PSMD1: variants seen among roughly 807,000 people sequenced by gnomAD.
PSMD1 encodes 26S proteasome non-ATPase regulatory subunit 1.
In PSMD1, 18 loss-of-function variants were observed where a neutral mutation model predicts 119.0. That is an observed-to-expected ratio of 0.15 (90% CI 0.10 to 0.22). The LOEUF (loss-of-function observed/expected upper bound fraction) is 0.22. Among genes scored for constraint, PSMD1 ranks in the 10% least tolerant of loss-of-function variants. The pLI is 1.00. For synonymous variants in PSMD1, 374 were observed against 396.6 expected (o/e 0.94, Z 0.68); for missense variants, 702 against 1,158.5 (o/e 0.61, Z 5.72).
intron 16 of PSMD1, among the ~76,000 whole-genome samples, chr2:231,133,808 A>T (rs1231725850): frequency 2.6e-5 from 4 of 152,230 alleles, no homozygotes; most frequent in African/African-American, 9.6e-5. Context: ...GGTTGCACAA[A>T]ATATTCATAA....
intron 21 of PSMD1, 146 bp from the exon 22 acceptor site, chr2:231,165,037 TATATATATATATATATA>T (rs1696736105): frequency 7.1e-3 from 57 of 7,986 alleles, no homozygotes; most frequent in South Asian, 0.021. Context: ...TATATATTTA[TATATATATATATATATA>T]TATATATATA....
At chr2:231,092,983 G>A (rs1694634371) in intron 16 of PSMD1, among the ~76,000 whole-genome samples, 1 of 152,138 alleles carries the variant, frequency 6.6e-6, no homozygotes, top group Admixed American at 6.5e-5. Flanking sequence ...GTGTTACCTG[G>A]CATCTTAATC....
intron 5 of PSMD1, among the ~76,000 whole-genome samples, chr2:231,068,335 A>G (rs985833712): frequency 6.6e-6 from 1 of 152,098 alleles, no homozygotes; most frequent in African/African-American, 2.4e-5. Context: ...TTCCCTCTCA[A>G]TTTCATTTTT....
intron 16 of PSMD1, among the ~76,000 whole-genome samples, chr2:231,131,884 TCTAAA>T (rs1333608471): frequency 6.6e-6 from 1 of 152,200 alleles, no homozygotes; most frequent in Non-Finnish European, 1.5e-5. Flanking sequence ...AGATTGAATG[TCTAAA>T]CTAATTTAAT....
At chr2:231,133,266 G>T (rs1695891911) in intron 16 of PSMD1, among the ~76,000 whole-genome samples, 1 of 152,114 alleles carries the variant, frequency 6.6e-6, no homozygotes, top group Admixed American at 6.5e-5. Flanking sequence ...TGTAGTTTTT[G>T]TAGAGACGGG....
intron 19 of PSMD1, among the ~76,000 whole-genome samples, 179 bp downstream of exon 19, chr2:231,153,845 G>A (rs1696422243): frequency 1.3e-5 from 2 of 152,318 alleles, no homozygotes; most frequent in East Asian, 1.9e-4. Flanking sequence ...CGGGCGCAAT[G>A]GTTCATGCCT....
At chr2:231,145,894 CAAAAAAAAAAA>C (rs36124651) in intron 17 of PSMD1, among the ~76,000 whole-genome samples, 24 of 46,556 alleles carry the variant, frequency 5.2e-4, no homozygotes, top group African/African-American at 1.3e-3. Flanking sequence ...AGCTACATCT[CAAAAAAAAAAA>C]AAAAAAAAAA....
At chr2:231,158,734 CAT>C (rs1696567176) in intron 19 of PSMD1, among the ~76,000 whole-genome samples, 1 of 152,194 alleles carries the variant, frequency 6.6e-6, no homozygotes, top group South Asian at 2.1e-4. Context: ...ATAATACTTT[CAT>C]ATCTTATTTT....
rs1028348500 is a variant in PSMD1 at position 231,155,966 on chromosome 2, C to T, written c.2218+2300C>T. Among the ~76,000 whole-genome samples the T allele has an allele frequency of 5.3e-5, 8 of 152,172 alleles. 1 individual carries two copies. The Middle Eastern group carries it at 0.024, about 453-fold the overall frequency. ...TTTCCATAGTTTCTCCCTTCTCACT[C>T]TTCACTACCTTCCAATATTTTTATA... is the stretch of plus-strand genomic sequence containing the variant. On this transcript the variant is annotated intron_variant, in intron 19 of 24. Coordinates refer to ENST00000308696, the MANE Select transcript of PSMD1 (RefSeq NM_002807.4).
intron 15 of PSMD1, among the ~76,000 whole-genome samples, 182 bp from the exon 16 acceptor site, chr2:231,086,935 A>G (rs1028849410): frequency 2.6e-5 from 4 of 152,082 alleles, no homozygotes; most frequent in African/African-American, 9.7e-5. Flanking sequence ...ATAAAAATAC[A>G]TGTGTCTATT....
chr2:231,163,939 A>C (rs1015884307), intron 21 of PSMD1, among the ~76,000 whole-genome samples: 2 of 152,204 alleles, frequency 1.3e-5, no homozygotes, highest in Admixed American at 6.5e-5. Flanking sequence ...ATCCCTCTGA[A>C]GGTTTTCTCT....
At chr2:231,086,621 C>T (rs1694449014) in intron 15 of PSMD1, among the ~76,000 whole-genome samples, 1 of 152,206 alleles carries the variant, frequency 6.6e-6, no homozygotes, top group African/African-American at 2.4e-5. Flanking sequence ...TGTGCCACTG[C>T]ACTCCAGCCT....
At chr2:231,144,841 G>GTTTTGTGCTGGA (rs1321356974) in intron 17 of PSMD1, among the ~76,000 whole-genome samples, 2 of 152,160 alleles carry the variant, frequency 1.3e-5, no homozygotes, top group African/African-American at 4.8e-5. Context: ...TATAAAGATT[G>GTTTTGTGCTGGA]TTTTGTGCTG....
chr2:231,156,155 A>G (rs552262222), intron 19 of PSMD1, among the ~76,000 whole-genome samples: 18 of 152,246 alleles, frequency 1.2e-4, no homozygotes, highest in East Asian at 3.9e-4. Context: ...TAGACACTTA[A>G]TTGGCTGGAT....
chr2:231,123,877 C>A, intron 16 of PSMD1: 2 of 823,694 alleles, frequency 2.4e-6, no homozygotes, highest in Non-Finnish European at 4.2e-6. Flanking sequence ...ACTCAAAAGC[C>A]AAAGTTGACA....
intron 6 of PSMD1, among the ~76,000 whole-genome samples, chr2:231,071,656 A>G (rs1290155823): frequency 6.6e-6 from 1 of 152,170 alleles, no homozygotes; most frequent in African/African-American, 2.4e-5. Context: ...GCCTAAGGGA[A>G]CAAGAAAATT....
chr2:231,126,685 T>C (rs1314617566), intron 16 of PSMD1, among the ~76,000 whole-genome samples: 1 of 152,084 alleles, frequency 6.6e-6, no homozygotes, highest in Non-Finnish European at 1.5e-5. Flanking sequence ...ATTGTTGTAT[T>C]TTGCCTGTAT....
intron 16 of PSMD1, among the ~76,000 whole-genome samples, chr2:231,112,655 A>G (rs1184609795): frequency 6.6e-6 from 1 of 152,176 alleles, no homozygotes; most frequent in African/African-American, 2.4e-5. Context: ...TGCTGGTCAA[A>G]CCATTGTAAT....
At chr2:231,123,631 T>C in intron 16 of PSMD1, 1 of 1,614,118 alleles carries the variant, frequency 6.2e-7, no homozygotes, top group Non-Finnish European at 8.5e-7. Flanking sequence ...CTCAACAATC[T>C]GTTTCATTTC....
Sources: gnomAD v4.1 joint callset for allele counts (sites outside exome capture counted in the v4.1 genomes callset) on GRCh38, gnomAD v4.1.1 for gene constraint, MANE v1.5 for transcripts, NCBI Gene and HGNC (gene_info 2026-07-23, HGNC 2026-07-21) for gene names.